Variants in DCC observed in about 807,000 individuals in gnomAD.
DCC encodes DCC netrin 1 receptor, also known as netrin receptor DCC.
DCC carries 58 observed loss-of-function variants against 172.5 expected under a neutral mutation model. The ratio of observed to expected loss-of-function variants is 0.34; its 90% confidence interval spans 0.27 to 0.42. The LOEUF is 0.42. Ranked by LOEUF, DCC falls within the 10% of genes least tolerant of loss-of-function variation. DCC has a pLI of 1.00. For synonymous variants in DCC, 709 were observed against 644.5 expected, an observed-to-expected ratio of 1.10 and a Z score of -1.52; for missense variants, 1,740 against 1,791.0, an observed-to-expected ratio of 0.97 and a Z score of 0.51.
At chr18:53,104,773 T>C (rs1442786665) in intron 7 of DCC, among the ~76,000 whole-genome samples, 1 of 152,046 alleles carries the variant, frequency 6.6e-6, no homozygotes, top group Non-Finnish European at 1.5e-5. Flanking sequence ...AACTTTCCCT[T>C]CTGACTTCTG....
chr18:53,166,953 G>A (rs1395770633), intron 8 of DCC, among the ~76,000 whole-genome samples: 5 of 152,084 alleles, frequency 3.3e-5, no homozygotes, highest in African/African-American at 1.2e-4. Context: ...TAAACACCAT[G>A]TTTCAGTTTT....
intron 5 of DCC, among the ~76,000 whole-genome samples, chr18:52,982,750 T>C (rs953429014): frequency 3.9e-5 from 6 of 152,314 alleles, no homozygotes; most frequent in African/African-American, 9.6e-5. Context: ...CTGTTGAATG[T>C]TAAGCATTTG....
At chr18:52,700,977 A>G (rs902066262) in intron 1 of DCC, among the ~76,000 whole-genome samples, 2 of 152,206 alleles carry the variant, frequency 1.3e-5, no homozygotes, top group African/African-American at 4.8e-5. Context: ...TCTTTATAAC[A>G]AACATATTGT....
At position 52,610,184 on chromosome 18, in the gene DCC, T is replaced by A. The variant is rs1458041784; in HGVS notation, c.92-141870T>A. 7.9e-3 allele frequency among the ~76,000 whole-genome samples: 75 copies of A among 9,448 alleles called. 18 individuals are homozygous for A. The highest frequency in any genetic ancestry group is 9.7e-3 in the African/African-American group (20 of 2,070). The allele number at this position is 9,448 out of a possible 152,430, so 6.2% of individuals were successfully genotyped here. ...AAAAAAAAAAAAAAAAAAAAATATA[T>A]ATATATATATATATATATATATATA... On this transcript the variant is annotated intron_variant, in intron 1 of 28. Coordinates refer to ENST00000442544, the MANE Select transcript of DCC (RefSeq NM_005215.4).
At chr18:52,525,709 T>A (rs1441076568) in intron 1 of DCC, among the ~76,000 whole-genome samples, 1 of 152,178 alleles carries the variant, frequency 6.6e-6, no homozygotes, top group Non-Finnish European at 1.5e-5. Context: ...GCTGATTAAG[T>A]GGAGAACAGA....
intron 9 of DCC, among the ~76,000 whole-genome samples, chr18:53,186,824 G>A (rs1370944317): frequency 6.6e-6 from 1 of 152,146 alleles, no homozygotes; most frequent in Non-Finnish European, 1.5e-5. Flanking sequence ...AGCAGGTGTG[G>A]TGTCTAGTGA....
chr18:53,401,898 G>A (rs1909320558), intron 18 of DCC, among the ~76,000 whole-genome samples: 1 of 152,164 alleles, frequency 6.6e-6, no homozygotes, highest in Non-Finnish European at 1.5e-5. Context: ...ATTGTTTTGA[G>A]TACAACATGT....
intron 12 of DCC, among the ~76,000 whole-genome samples, chr18:53,280,916 C>A (rs2056862733): frequency 1.3e-5 from 2 of 151,946 alleles, no homozygotes; most frequent in Non-Finnish European, 1.5e-5. Flanking sequence ...AAGAGATTAA[C>A]TATCTTGTAA....
At chr18:52,437,019 G>C (rs1987818295) in intron 1 of DCC, among the ~76,000 whole-genome samples, 1 of 152,218 alleles carries the variant, frequency 6.6e-6, no homozygotes, top group Admixed American at 6.5e-5. Context: ...TGGTGAAGAA[G>C]TTTGCCTAGT....
chr18:52,568,114 T>C (rs963495182), intron 1 of DCC, among the ~76,000 whole-genome samples: 2 of 152,118 alleles, frequency 1.3e-5, no homozygotes, highest in South Asian at 2.1e-4. Context: ...GTAGACAAGG[T>C]CTCACTGTAT....
At chr18:52,651,091 C>A (rs948294627) in intron 1 of DCC, among the ~76,000 whole-genome samples, 1 of 152,136 alleles carries the variant, frequency 6.6e-6, no homozygotes, top group Non-Finnish European at 1.5e-5. Context: ...TTCAGGCAAC[C>A]ACTGTCAATA....
chr18:52,963,514 G>A (rs1376640573), intron 5 of DCC, among the ~76,000 whole-genome samples: 1 of 152,156 alleles, frequency 6.6e-6, no homozygotes, highest in African/African-American at 2.4e-5. Flanking sequence ...GCCTGAACAT[G>A]CACAGGAGTC....
At chr18:52,426,954 C>T (rs558335554) in intron 1 of DCC, among the ~76,000 whole-genome samples, 6 of 152,062 alleles carry the variant, frequency 3.9e-5, no homozygotes, top group Non-Finnish European at 5.9e-5. Context: ...TCTCCCAAAT[C>T]CTGACAATAG....
chr18:52,729,428 A>G (rs891999990), intron 1 of DCC, among the ~76,000 whole-genome samples: 1 of 151,790 alleles, frequency 6.6e-6, no homozygotes, highest in Non-Finnish European at 1.5e-5. Context: ...CCTGCCTAAT[A>G]TTTGTATTTT....
At position 53,208,177 on chromosome 18, in the gene DCC, A is replaced by C. The variant is rs371177865; in HGVS notation, c.1861+360A>C. 3.3e-5 allele frequency among the ~76,000 whole-genome samples: 5 copies of C among 150,492 alleles called. No individual in the cohort carries two copies. The East Asian group carries it at 5.9e-4, about 18-fold the overall frequency. ...GCGATCCCAGCTACTTGGGAGGCTCATTCTGGAGGATCACTTGAGCCTGGG... is the reference window on the plus strand; with the variant it reads ...GCGATCCCAGCTACTTGGGAGGCTCCTTCTGGAGGATCACTTGAGCCTGGG... On this transcript the variant is annotated intron_variant, in intron 11 of 28. Coordinates refer to ENST00000442544, the MANE Select transcript of DCC (RefSeq NM_005215.4).
At chr18:53,329,314 C>T (rs1178009707) in intron 14 of DCC, among the ~76,000 whole-genome samples, 1 of 151,874 alleles carries the variant, frequency 6.6e-6, no homozygotes, top group Non-Finnish European at 1.5e-5. Context: ...AAATTCATAA[C>T]ATTTTATTAC....
intron 2 of DCC, among the ~76,000 whole-genome samples, chr18:52,861,630 A>G (rs2039143673): frequency 6.6e-6 from 1 of 151,824 alleles, no homozygotes; most frequent in African/African-American, 2.4e-5. Context: ...ACAAAATATA[A>G]AAAAGAATCA....
At position 52,972,374 on chromosome 18, in the gene DCC, C is replaced by T. The variant is rs575702492; in HGVS notation, c.985+47004C>T. 2.0e-5 allele frequency among the ~76,000 whole-genome samples: 3 copies of T among 152,190 alleles called. No individual in the cohort carries two copies. In the South Asian group the frequency reaches 6.2e-4, roughly 31 times the overall value. Reference sequence around the variant, plus strand: ...CATAAATAAGCTAAAATTTTCTTAGCCTTAAATTGCTGTTCTGTTTTAGAA... The same window carrying T: ...CATAAATAAGCTAAAATTTTCTTAGTCTTAAATTGCTGTTCTGTTTTAGAA... On this transcript the variant is annotated intron_variant, in intron 5 of 28. Coordinates refer to ENST00000442544, the MANE Select transcript of DCC (RefSeq NM_005215.4).
intron 2 of DCC, among the ~76,000 whole-genome samples, chr18:52,778,842 GT>G (rs1377829358): frequency 6.6e-6 from 1 of 152,130 alleles, no homozygotes; most frequent in Non-Finnish European, 1.5e-5. Flanking sequence ...CATGGGCATT[GT>G]ATATGATAGG....
Sources: gnomAD v4.1 joint callset for allele counts (sites outside exome capture counted in the v4.1 genomes callset) on GRCh38, gnomAD v4.1.1 for gene constraint, MANE v1.5 for transcripts, NCBI Gene and HGNC (gene_info 2026-07-23, HGNC 2026-07-21) for gene names.